POLR1E: variants seen among roughly 807,000 people sequenced by gnomAD.
POLR1E encodes the protein RNA polymerase I subunit E.
POLR1E carries 37 observed loss-of-function variants against 50.9 expected under a neutral mutation model. The observed-to-expected ratio is 0.73, with a 90% CI of 0.56 to 0.96. POLR1E has a LOEUF of 0.96. Among genes scored for constraint, POLR1E ranks in the 40% least tolerant of loss-of-function variants. The pLI is 0.00. For missense variants in POLR1E, 426 were observed against 518.1 expected (o/e 0.82, Z 1.73); for synonymous variants, 166 against 191.6 (o/e 0.87, Z 1.10).
At chr9:37,492,769 C>A in intron 5 of POLR1E, 54 bp downstream of exon 5, 1 of 1,508,810 alleles carries the variant, frequency 6.6e-7, no homozygotes, top group Non-Finnish European at 9.2e-7. Context: ...TTCTACACCT[C>A]GGGTTTCTCC....
At chr9:37,489,284 T>G in intron 3 of POLR1E, 31 bp from the exon 4 acceptor site, 7 of 1,439,868 alleles carry the variant, frequency 4.9e-6, no homozygotes, top group South Asian at 1.2e-5. Flanking sequence ...GAATAATCCA[T>G]TGTTATTTGT....
chr9:37,501,206 G>A lies in POLR1E; in HGVS notation c.968+285G>A, dbSNP rs1482837816. 3.3e-5 allele frequency among the ~76,000 whole-genome samples: 5 copies of A among 152,210 alleles called. No individual in the cohort carries two copies. The East Asian group carries it at 7.7e-4, about 23-fold the overall frequency. Reference sequence around the variant, plus strand: ...CACATACTTTTGAATAGCCCTTCCCGATGTCTCACAGAGCTGGTGTTCTGC... The same window carrying A: ...CACATACTTTTGAATAGCCCTTCCCAATGTCTCACAGAGCTGGTGTTCTGC... On this transcript the variant is annotated intron_variant, in intron 10 of 11. Coordinates refer to ENST00000377798, the MANE Select transcript of POLR1E (RefSeq NM_022490.4).
At position 37,485,950 on chromosome 9, in the gene POLR1E, T is replaced by C; in HGVS notation, c.-98T>C. On this transcript the variant is annotated 5_prime_UTR_variant, in exon 1 of 12. Transcript: ENST00000377798. ...GGCGGTGCCCGGCGGGGCCACGCCTTTTCCGGCCCGCAGCGCGGCCTGGGC... is the reference window on the plus strand; with the variant it reads ...GGCGGTGCCCGGCGGGGCCACGCCTCTTCCGGCCCGCAGCGCGGCCTGGGC... 2.7e-6 allele frequency: 4 copies of C among 1,485,810 alleles called. No individual in the cohort carries two copies. The South Asian group carries it at 3.6e-5, about 14-fold the overall frequency. The allele number at this position is 1,485,810 out of a possible 1,614,324, so 92.0% of individuals were successfully genotyped here. A position where few individuals can be genotyped will look rare whatever the true frequency, so the allele number is the denominator to read the frequency against.
chr9:37,502,169 C>G (rs1820902643), intron 11 of POLR1E, among the ~76,000 whole-genome samples: 1 of 152,200 alleles, frequency 6.6e-6, no homozygotes, highest in African/African-American at 2.4e-5. Context: ...AGACCTGAGC[C>G]TTTCCATAAC....
intron 4 of POLR1E, chr9:37,490,624 C>G (rs1036225029): frequency 2.8e-6 from 2 of 721,300 alleles, no homozygotes; most frequent in East Asian, 5.4e-5. Context: ...TTAATGTGCT[C>G]AATACGCACA....
chr9:37,486,291 G>A, intron 1 of POLR1E, 168 bp downstream of exon 1: 4 of 1,284,120 alleles, frequency 3.1e-6, no homozygotes, highest in Non-Finnish European at 4.2e-6. Flanking sequence ...CCGTCTTTCT[G>A]TCACTACCTC....
At chr9:37,495,386 C>T (rs1240014449) in intron 7 of POLR1E, 110 bp downstream of exon 7, 4 of 928,496 alleles carry the variant, frequency 4.3e-6, no homozygotes, top group Non-Finnish European at 3.5e-6. Context: ...TTCACAAGAG[C>T]TCCATCCAAA....
chr9:37,486,167 C>T (rs752799397), intron 1 of POLR1E, 44 bp downstream of exon 1: 40 of 1,534,260 alleles, frequency 2.6e-5, no homozygotes, highest in Non-Finnish European at 3.3e-5. Context: ...AACCCTCTCC[C>T]CTTCCGTCTC....
At position 37,498,108 on chromosome 9, in the gene POLR1E, T is replaced by C. The variant is rs750598095; in HGVS notation, c.770T>C (p.Ile257Thr). ...TGTTTTAGCCATTGCACCTTTGTCA[T>C]AGAAGCGTTGAAGTCTTTGCCATCA... ...IEENSHCTFVIEALKSLPSDV... is the reference protein window; with the variant it reads ...IEENSHCTFVTEALKSLPSDV... Residue 257 changes from isoleucine (I) to threonine (T), a missense_variant, in exon 9 of 12, where the codon ATA (isoleucine) becomes ACA (threonine). Physicochemically the swap from Ile to Thr is moderately conservative, Grantham distance 89 (BLOSUM62 -1). Coordinates refer to ENST00000377798, the MANE Select transcript of POLR1E (RefSeq NM_022490.4). The C allele has an allele frequency of 1.2e-6, 2 of 1,613,992 alleles. No individual in the cohort carries two copies. The highest frequency in any genetic ancestry group is 1.7e-6 in the Non-Finnish European group (2 of 1,179,982).
chr9:37,501,900 G>A, intron 11 of POLR1E, 56 bp downstream of exon 11: 1 of 1,558,116 alleles, frequency 6.4e-7, no homozygotes, highest in Non-Finnish European at 8.7e-7. Context: ...CTTATTTCTG[G>A]TACCACTGGA....
At position 37,487,796 on chromosome 9, in the gene POLR1E, AAG is replaced by A; in HGVS notation, c.181-63_181-62del. On this transcript the variant is annotated intron_variant, in intron 2 of 11. Coordinates refer to ENST00000377798, the MANE Select transcript of POLR1E (RefSeq NM_022490.4). ...TTCAAAAGCCTCAGCAAATGTAGAA[AAG>A]AGAAATGATGCTTAATACCTTTCAA... 4 of 1,471,562 alleles carry A rather than the reference AAG, an allele frequency of 2.7e-6. No homozygotes were observed. The South Asian group carries it at 4.6e-5, about 17-fold the overall frequency. The allele number at this position is 1,471,562 out of a possible 1,614,324, so 91.2% of individuals were successfully genotyped here.
intron 9 of POLR1E, among the ~76,000 whole-genome samples, chr9:37,499,103 A>C (rs1355626655): frequency 1.3e-5 from 2 of 152,232 alleles, no homozygotes; most frequent in African/African-American, 4.8e-5. Flanking sequence ...ATATCTAAAC[A>C]GAAAAGGAAT....
intron 9 of POLR1E, among the ~76,000 whole-genome samples, chr9:37,500,590 C>A (rs1186413447): frequency 6.6e-6 from 1 of 152,212 alleles, no homozygotes; most frequent in Non-Finnish European, 1.5e-5. Context: ...GGTCCTTAGG[C>A]CTCAGGCTGT....
At position 37,492,638 on chromosome 9, in the gene POLR1E, T is replaced by C. The variant is rs1820704933; in HGVS notation, c.344-19T>C. On this transcript the variant is annotated intron_variant, in intron 4 of 11. Coordinates refer to ENST00000377798, the MANE Select transcript of POLR1E (RefSeq NM_022490.4). Reference sequence around the variant, plus strand: ...CCCAATTGACTTTTCTTTCTCTCTGTTTTTGTGTGTTTTGATAGATGTATC... The same window carrying C: ...CCCAATTGACTTTTCTTTCTCTCTGCTTTTGTGTGTTTTGATAGATGTATC... 5.6e-6 allele frequency: 9 copies of C among 1,612,608 alleles called. No individual in the cohort carries two copies. Among genetic ancestry groups the C allele is most frequent in the Non-Finnish European group, 7.6e-6 (9 of 1,178,814 alleles).
At chr9:37,496,759 G>A (rs114529067) in intron 8 of POLR1E, among the ~76,000 whole-genome samples, 463 of 151,724 alleles carry the variant, frequency 3.1e-3, no homozygotes, top group African/African-American at 0.011. Flanking sequence ...TGAAAACTGA[G>A]TCCCCGAACT....
intron 6 of POLR1E, 77 bp from the exon 7 acceptor site, chr9:37,495,092 A>C: frequency 8.1e-7 from 1 of 1,230,024 alleles, no homozygotes; most frequent in Non-Finnish European, 1.2e-6. Flanking sequence ...TGGTGGTCTG[A>C]AGTGCACAGA....
At chr9:37,486,534 TCTC>T in intron 1 of POLR1E, 166 bp from the exon 2 acceptor site, 1 of 1,569,318 alleles carries the variant, frequency 6.4e-7, no homozygotes, top group Non-Finnish European at 8.6e-7. Context: ...TACCTCCTCT[TCTC>T]AGCTGGCCCC....
At position 37,501,753 on chromosome 9, in the gene POLR1E, A is replaced by G; in HGVS notation, c.1009A>G (p.Thr337Ala). The change falls in exon 11 of 12, where the codon ACT (threonine) becomes GCT (alanine). Residue 337 changes from threonine (T) to alanine (A), a missense_variant. Physicochemically the swap from Thr to Ala is moderately conservative, Grantham distance 58 (BLOSUM62 0). Transcript: ENST00000377798. Reference sequence around the variant, plus strand: ...TTCGGATTCTATGAAGGCGAAGATTACTGCATATGTGATCATACTTGCCTT... The same window carrying G: ...TTCGGATTCTATGAAGGCGAAGATTGCTGCATATGTGATCATACTTGCCTT... ...LISDSMKAKI[T>A]AYVIILALHI... The G allele has an allele frequency of 1.2e-6, 2 of 1,613,774 alleles. No individual in the cohort carries two copies. Among genetic ancestry groups the G allele is most frequent in the Non-Finnish European group, 1.7e-6 (2 of 1,179,902 alleles).
intron 6 of POLR1E, 90 bp from the exon 7 acceptor site, chr9:37,495,079 C>A: frequency 2.7e-6 from 3 of 1,093,762 alleles, no homozygotes; most frequent in Non-Finnish European, 4.2e-6. Context: ...GTTTCTGGAC[C>A]ATTGGTGGTC....
Sources: allele counts gnomAD v4.1 joint callset (sites outside exome capture counted in the v4.1 genomes callset), GRCh38; gene constraint gnomAD v4.1.1; transcripts MANE v1.5; gene names NCBI Gene and HGNC (gene_info 2026-07-23, HGNC 2026-07-21).